Variants in SLFN14 observed in about 807,000 individuals in gnomAD.
SLFN14 encodes the protein schlafen family member 14.
In SLFN14, 47 loss-of-function variants were observed where a neutral mutation model predicts 58.6. That is an observed-to-expected ratio of 0.80 (90% CI 0.64 to 1.02). The LOEUF (loss-of-function observed/expected upper bound fraction) is 1.02. SLFN14 is among the 50% of genes least tolerant of loss of function. SLFN14 has a pLI of 0.00. For synonymous variants in SLFN14, 390 were observed against 387.3 expected (o/e 1.01, Z -0.08); for missense variants, 967 against 1,078.4 (o/e 0.90, Z 1.45).
rs956697719 is a variant in SLFN14 at position 35,544,401 on chromosome 17, C to T, written c.*3838G>A. On this transcript the variant is annotated 3_prime_UTR_variant, in exon 6 of 6. Transcript: ENST00000674182. ...ATTAAATGGAAAAAGCACACATATA[C>T]GTTATAAAGTTGATGGCACAACTTG... Among the ~76,000 whole-genome samples the T allele has an allele frequency of 4.5e-5, 6 of 132,308 alleles. 1 individual carries two copies. The highest frequency in any genetic ancestry group is 4.4e-4 in the South Asian group (2 of 4,526). 86.8% of individuals were successfully genotyped at this position (132,308 alleles called of 152,430 possible).
Position 35,547,104 on chromosome 17 carries a change from G to C in SLFN14, c.*1135C>G, listed in dbSNP as rs1275045412. Among the ~76,000 whole-genome samples, 1 of 152,156 alleles carries C rather than the reference G, an allele frequency of 6.6e-6. No homozygotes were observed. Among genetic ancestry groups the C allele is most frequent in the Non-Finnish European group, 1.5e-5 (1 of 68,018 alleles). Reference sequence around the variant, plus strand: ...TAGAGGATAAATGTAGGCAAAATTTGTATATGTTGGGGGCAGTAAGGAGAG... The same window carrying C: ...TAGAGGATAAATGTAGGCAAAATTTCTATATGTTGGGGGCAGTAAGGAGAG... On this transcript the variant is annotated 3_prime_UTR_variant, in exon 6 of 6. Transcript: ENST00000674182.
At position 35,552,656 on chromosome 17, in the gene SLFN14, A is replaced by ATG; in HGVS notation, c.1904+73_1904+74insCA. The ATG allele has an allele frequency of 3.4e-6, 2 of 594,520 alleles. 1 individual carries two copies. Among genetic ancestry groups the ATG allele is most frequent in the Non-Finnish European group, 5.1e-6 (2 of 389,278 alleles). 36.8% of individuals were successfully genotyped at this position (594,520 alleles called of 1,614,324 possible). A position where few individuals can be genotyped will look rare whatever the true frequency, so the allele number is the denominator to read the frequency against. On this transcript the variant is annotated intron_variant, in intron 5 of 5. Coordinates refer to ENST00000674182, the MANE Select transcript of SLFN14 (RefSeq NM_001129820.2). ...TATATACATATATATATACACATAT[A>ATG]TATACACATATATATACACATATAT... is the stretch of plus-strand genomic sequence containing the variant.
rs752989507 is a variant in SLFN14 at position 35,548,222 on chromosome 17, A to G, written c.*17T>C. ...GACTCTGCTCTTCCTGTCTTCCTCT[A>G]TTATTTGTAATAATTTTCAGTAGGC... On this transcript the variant is annotated 3_prime_UTR_variant, in exon 6 of 6. Transcript: ENST00000674182. 2 of 1,547,546 alleles carry G rather than the reference A, an allele frequency of 1.3e-6. No homozygotes were observed. Among genetic ancestry groups the G allele is most frequent in the Non-Finnish European group, 1.7e-6 (2 of 1,144,552 alleles).
Position 35,547,143 on chromosome 17 carries a change from C to A in SLFN14, c.*1096G>T, listed in dbSNP as rs1165380036. Among the ~76,000 whole-genome samples the A allele has an allele frequency of 1.3e-5, 2 of 151,908 alleles. No individual in the cohort carries two copies. The highest frequency in any genetic ancestry group is 4.8e-5 in the African/African-American group (2 of 41,342). On this transcript the variant is annotated 3_prime_UTR_variant, in exon 6 of 6. Coordinates refer to ENST00000674182, the MANE Select transcript of SLFN14 (RefSeq NM_001129820.2). ...CAGTAAGGAGAGGGTTGGTGGTGAACCTGGAAATTTTAGAAACCAAGACAG... is the reference window on the plus strand; with the variant it reads ...CAGTAAGGAGAGGGTTGGTGGTGAAACTGGAAATTTTAGAAACCAAGACAG...
intron 4 of SLFN14, among the ~76,000 whole-genome samples, chr17:35,553,656 TG>T (rs1454969637): frequency 2.6e-5 from 4 of 152,088 alleles, no homozygotes; most frequent in African/African-American, 7.2e-5. Flanking sequence ...TTTCTTTTTT[TG>T]TGAGACGGAG....
At chr17:35,556,936 T>C in intron 3 of SLFN14, 67 bp downstream of exon 3, 1 of 1,383,502 alleles carries the variant, frequency 7.2e-7, no homozygotes, top group South Asian at 1.5e-5. Flanking sequence ...TGTGATCAAA[T>C]ACCCACAAAA....
At chr17:35,553,515 G>GA (rs2072618323) in intron 4 of SLFN14, 71 bp from the exon 5 acceptor site, 11 of 1,179,234 alleles carry the variant, frequency 9.3e-6, no homozygotes, top group East Asian at 2.6e-5. Context: ...CAACGTTGCA[G>GA]AAAAAAATGA....
rs757122014 is a variant in SLFN14 at position 35,552,752 on chromosome 17, C to T, written c.1882G>A (p.Asp628Asn). Residue 628 changes from aspartate (D) to asparagine (N), a missense_variant, in exon 5 of 6, where the codon GAC becomes AAC. Physicochemically the swap from Asp to Asn is conservative, Grantham distance 23. Coordinates refer to ENST00000674182, the MANE Select transcript of SLFN14 (RefSeq NM_001129820.2). Reference protein sequence around the residue: ...PKEILYVCESDSLKDFVTQQT... With the variant: ...PKEILYVCESNSLKDFVTQQT... ...TACGTCACAAAATCCTTTAGGGAGT[C>T]GCTTTCACAAACATAGAGGATCTCT... 9 of 1,548,550 alleles carry T rather than the reference C, an allele frequency of 5.8e-6. No homozygotes were observed. Among genetic ancestry groups the T allele is most frequent in the Admixed American group, 4.0e-5 (2 of 50,306 alleles).
chr17:35,555,551 CAAAA>C (rs11350518), intron 3 of SLFN14, among the ~76,000 whole-genome samples: 1 of 141,252 alleles, frequency 7.1e-6, no homozygotes. Context: ...GACCCTGTCT[CAAAA>C]AAAAAAAAAA....
chr17:35,553,299 A>G lies in SLFN14; in HGVS notation c.1335T>C (p.Asp445=), dbSNP rs2072615172. The change falls in exon 5 of 6, where the codon GAT becomes GAC. Residue 445 remains aspartate, a synonymous_variant. Transcript: ENST00000674182. ...CATTCTGTTCTTTCCTGAAGCCAAC[A>G]TCACCAGCCCAGCTTCTAGAAAATA... The part of the protein sequence containing the change: ...IVIFSRSWAG[D]VGFRKEQNVL... The G allele has an allele frequency of 6.4e-7, 1 of 1,551,582 alleles. No homozygotes were observed. The highest frequency in any genetic ancestry group is 8.7e-7 in the Non-Finnish European group (1 of 1,147,006).
At position 35,544,389 on chromosome 17, in the gene SLFN14, A is replaced by G. The variant is rs1244508956; in HGVS notation, c.*3850T>C. Among the ~76,000 whole-genome samples the G allele has an allele frequency of 2.0e-5, 3 of 151,004 alleles. No homozygotes were observed. Among genetic ancestry groups the G allele is most frequent in the Non-Finnish European group, 4.4e-5 (3 of 67,878 alleles). On this transcript the variant is annotated 3_prime_UTR_variant, in exon 6 of 6. Coordinates refer to ENST00000674182, the MANE Select transcript of SLFN14 (RefSeq NM_001129820.2). The stretch of plus-strand genomic sequence containing the variant: ...TCTCACAAAACAATTAAATGGAAAA[A>G]GCACACATATACGTTATAAAGTTGA...
At position 35,558,059 on chromosome 17, in the gene SLFN14, C is replaced by T; in HGVS notation, c.4G>A (p.Glu2Lys). 2 of 1,549,904 alleles carry T rather than the reference C, an allele frequency of 1.3e-6. No individual in the cohort carries two copies. The highest frequency in any genetic ancestry group is 8.7e-7 in the Non-Finnish European group (1 of 1,146,236). M[E>K]SLKTDTEMPY... ...ATTTCAGTATCAGTCTTGAGACTCT[C>T]CATTTCAGCAGCCCCTCTGTGCTCC... The change falls in exon 3 of 6, where the codon GAG (glutamate) becomes AAG (lysine). Residue 2 changes from glutamate to lysine, a missense_variant. Transcript: ENST00000674182.
Position 35,554,855 on chromosome 17 carries a change from C to T in SLFN14, c.1061-151G>A, listed in dbSNP as rs571423076. 1.0e-5 allele frequency: 5 copies of T among 499,944 alleles called. No individual in the cohort carries two copies. The African/African-American group carries it at 1.0e-4, about 10-fold the overall frequency. The allele number at this position is 499,944 out of a possible 1,614,324, so 31.0% of individuals were successfully genotyped here. ...TACTTACTATGCGTCAGACAGCTCA[C>T]GTATGTCAGGAAAGGAAGTCTGGGG... On this transcript the variant is annotated intron_variant, in intron 3 of 5. Coordinates refer to ENST00000674182, the MANE Select transcript of SLFN14 (RefSeq NM_001129820.2).
At position 35,553,094 on chromosome 17, in the gene SLFN14, G is replaced by A. The variant is rs1434885592; in HGVS notation, c.1540C>T (p.His514Tyr). 7 of 1,551,698 alleles carry A rather than the reference G, an allele frequency of 4.5e-6. No homozygotes were observed. The Admixed American group carries it at 9.8e-5, about 22-fold the overall frequency. The part of the protein sequence containing the change: ...GKVCIIPRLI[H>Y]LSSTQSRPGE... ...GGTCTACTCTGTGTGCTGCTCAGGT[G>A]TATCAGCCTTGGAATGATGCACACT... Residue 514 changes from histidine to tyrosine, a missense_variant, in exon 5 of 6, where the codon CAC becomes TAC. His to Tyr is a moderately conservative substitution (Grantham distance 83). Transcript: ENST00000674182.
intron 1 of SLFN14, among the ~76,000 whole-genome samples, chr17:35,560,142 G>A (rs1429203378): frequency 6.6e-6 from 1 of 152,138 alleles, no homozygotes; most frequent in Admixed American, 6.5e-5. Context: ...GCTGCAATTT[G>A]TCTCCCCATA....
Position 35,557,140 on chromosome 17 carries a change from T to C in SLFN14, c.923A>G (p.Tyr308Cys), listed in dbSNP as rs2072659305. Residue 308 changes from tyrosine to cysteine, a missense_variant, in exon 3 of 6, where the codon TAT (tyrosine) becomes TGT (cysteine). Physicochemically the swap from Tyr to Cys is radical, Grantham distance 194. Transcript: ENST00000674182. The stretch of plus-strand genomic sequence containing the variant: ...GGGCTCCACTTGAATCACACAGACA[T>C]AACCATCCAGGACATCTTTTTGGTA... Reference protein sequence around the residue: ...NVYQKDVLDGYVCVIQVEPFC... With the variant: ...NVYQKDVLDGCVCVIQVEPFC... 6.4e-7 allele frequency: 1 copy of C among 1,551,590 alleles called. No individual in the cohort carries two copies. The highest frequency in any genetic ancestry group is 8.7e-7 in the Non-Finnish European group (1 of 1,147,000).
intron 3 of SLFN14, among the ~76,000 whole-genome samples, chr17:35,556,132 G>A (rs1408298617): frequency 6.6e-6 from 1 of 151,918 alleles, no homozygotes; most frequent in Admixed American, 6.6e-5. Flanking sequence ...CCACCTCCCA[G>A]GCTCAAGCAA....
In SLFN14 at chr17:35,553,390, G is replaced by C. The variant is rs769834477; in HGVS notation, c.1244C>G (p.Ser415Ter). The change falls in exon 5 of 6, where the codon TCA (serine) becomes TGA (stop). Residue 415 changes from serine to a stop codon, truncating the protein, a stop_gained. Transcript: ENST00000674182. LOFTEE classifies it high-confidence loss of function. The part of the protein sequence containing the change: ...KPESLCKKLF[S>*]DHKELEGLMK... Reference sequence around the variant, plus strand: ...TAAACCCTCCAGTTCTTTATGATCTGAGAACAGCTTCTTACAGAGGGATTC... The same window carrying C: ...TAAACCCTCCAGTTCTTTATGATCTCAGAACAGCTTCTTACAGAGGGATTC... The C allele has an allele frequency of 5.2e-6, 8 of 1,551,484 alleles. No homozygotes were observed. The South Asian group carries it at 7.1e-5, about 14-fold the overall frequency.
Position 35,547,410 on chromosome 17 carries a change from T to C in SLFN14, c.*829A>G, listed in dbSNP as rs1316120226. On this transcript the variant is annotated 3_prime_UTR_variant, in exon 6 of 6. Coordinates refer to ENST00000674182, the MANE Select transcript of SLFN14 (RefSeq NM_001129820.2). ...ATAGTCTAATATAATCTGAAGATTTTTAAGATTTGAATCAAATTACCAGCT... is the reference window on the plus strand; with the variant it reads ...ATAGTCTAATATAATCTGAAGATTTCTAAGATTTGAATCAAATTACCAGCT... Among the ~76,000 whole-genome samples the C allele has an allele frequency of 6.6e-6, 1 of 152,218 alleles. No individual in the cohort carries two copies. Among genetic ancestry groups the C allele is most frequent in the Non-Finnish European group, 1.5e-5 (1 of 68,040 alleles).
Sources: gnomAD v4.1 joint callset for allele counts (sites outside exome capture counted in the v4.1 genomes callset) on GRCh38, gnomAD v4.1.1 for gene constraint, MANE v1.5 for transcripts, NCBI Gene and HGNC (gene_info 2026-07-23, HGNC 2026-07-21) for gene names.